ZNF385D: variants seen among roughly 807,000 people sequenced by gnomAD.
The protein encoded by ZNF385D is zinc finger protein 385D, also known as zinc finger protein 659.
A neutral mutation model predicts 35.8 loss-of-function variants in ZNF385D; 15 were observed. The observed-to-expected ratio is 0.42, with a 90% CI of 0.28 to 0.64. ZNF385D has a LOEUF of 0.64. Ranked by LOEUF, ZNF385D falls within the 30% of genes least tolerant of loss-of-function variation. The pLI is 0.23. For missense variants in ZNF385D, 474 were observed against 494.6 expected, an observed-to-expected ratio of 0.96 and a Z score of 0.39; for synonymous variants, 212 against 186.8, an observed-to-expected ratio of 1.13 and a Z score of -1.10.
At chr3:22,337,659 A>C (rs1695234886) in intron 2 of ZNF385D, among the ~76,000 whole-genome samples, 1 of 152,224 alleles carries the variant, frequency 6.6e-6, no homozygotes, top group African/African-American at 2.4e-5. Flanking sequence ...AGAGTTTAGA[A>C]ATGTTTGCCT....
chr3:22,280,465 C>A (rs984841815), intron 2 of ZNF385D, among the ~76,000 whole-genome samples: 1 of 151,750 alleles, frequency 6.6e-6, no homozygotes, highest in African/African-American at 2.4e-5. Context: ...AGAAGAGGAT[C>A]CAGTTTCATT....
chr3:22,059,376 A>G (rs1699576826), intron 3 of ZNF385D, among the ~76,000 whole-genome samples: 1 of 152,198 alleles, frequency 6.6e-6, no homozygotes. Context: ...TGTTGCAGCC[A>G]GCAGCAAGAA....
At chr3:21,692,138 G>A (rs767921640) in intron 1 of ZNF385D, among the ~76,000 whole-genome samples, 5 of 152,136 alleles carry the variant, frequency 3.3e-5, no homozygotes, top group Non-Finnish European at 5.9e-5. Flanking sequence ...TGTCAATGAA[G>A]ATTTGGGTTG....
chr3:21,687,629 G>T (rs2067148819), intron 1 of ZNF385D, among the ~76,000 whole-genome samples: 1 of 151,946 alleles, frequency 6.6e-6, no homozygotes, highest in Non-Finnish European at 1.5e-5. Context: ...GCTCACTCTT[G>T]GTGTTGTACA....
At chr3:21,891,327 A>C (rs1698854148) in intron 3 of ZNF385D, among the ~76,000 whole-genome samples, 2 of 152,176 alleles carry the variant, frequency 1.3e-5, no homozygotes, top group Non-Finnish European at 2.9e-5. Context: ...ACAGGTAAAA[A>C]AAATATAAAA....
intron 3 of ZNF385D, among the ~76,000 whole-genome samples, chr3:22,030,296 T>TCCTATACAAATAACAAATAGG (rs1485385805): frequency 8.0e-5 from 8 of 100,176 alleles, no homozygotes; most frequent in Non-Finnish European, 1.0e-4. Context: ...TATATATATA[T>TCCTATACAAATAACAAATAGG]ATATATCCTA....
chr3:21,849,006 G>A (rs1696199135), intron 3 of ZNF385D, among the ~76,000 whole-genome samples: 1 of 151,980 alleles, frequency 6.6e-6, no homozygotes, highest in African/African-American at 2.4e-5. Flanking sequence ...CTTTCTTAAA[G>A]TTTTATCAAC....
intron 2 of ZNF385D, among the ~76,000 whole-genome samples, chr3:22,249,373 G>C (rs958256688): frequency 6.6e-6 from 1 of 152,054 alleles, no homozygotes; most frequent in Non-Finnish European, 1.5e-5. Context: ...TTTGTTACAC[G>C]GTTCATCAGA....
chr3:22,182,633 T>C (rs1316550522), intron 2 of ZNF385D, among the ~76,000 whole-genome samples: 2 of 152,058 alleles, frequency 1.3e-5, no homozygotes, highest in Admixed American at 1.3e-4. Flanking sequence ...ATTAAAAAGA[T>C]AAACTAGGTA....
At chr3:22,226,538 T>C (rs1338386294) in intron 2 of ZNF385D, among the ~76,000 whole-genome samples, 2 of 152,244 alleles carry the variant, frequency 1.3e-5, no homozygotes, top group African/African-American at 4.8e-5. Context: ...AAAACAGTAA[T>C]CTAGGAAGCA....
chr3:22,230,413 A>C (rs1439568137), intron 2 of ZNF385D, among the ~76,000 whole-genome samples: 1 of 152,116 alleles, frequency 6.6e-6, no homozygotes. Flanking sequence ...ACTGCTTCCC[A>C]TAAAAGGCCT....
At position 21,621,507 on chromosome 3, in the gene ZNF385D, G is replaced by A. The variant is rs765356025; in HGVS notation, c.165+43379C>T. 9.9e-5 allele frequency among the ~76,000 whole-genome samples: 15 copies of A among 151,532 alleles called. 1 individual carries two copies. The highest frequency in any genetic ancestry group is 2.1e-4 in the Non-Finnish European group (14 of 67,928). ...ATTCAGGTTGTTGACAAGGCATTGA[G>A]CAAGAAACTGCCAATTTGCTGTGTC... On this transcript the variant is annotated intron_variant, in intron 2 of 7. Transcript: ENST00000281523.
Position 21,425,598 on chromosome 3 carries a change from A to T in ZNF385D, c.746T>A (p.Val249Glu). ...GTIKAFPRAG[V>E]KGKGPVNKGN... ...TTTATTAACAGGTCCTTTGCCTTTCACTCCTGCCCTAGGAAAGGCTTTGAT... is the reference window on the plus strand; with the variant it reads ...TTTATTAACAGGTCCTTTGCCTTTCTCTCCTGCCCTAGGAAAGGCTTTGAT... The change falls in exon 6 of 8, where the codon GTG (valine) becomes GAG (glutamate). Residue 249 changes from valine (V) to glutamate (E), a missense_variant. Val to Glu is a moderately radical substitution (Grantham distance 121). Coordinates refer to ENST00000281523, the MANE Select transcript of ZNF385D (RefSeq NM_024697.3). The T allele has an allele frequency of 6.2e-7, 1 of 1,605,342 alleles. No homozygotes were observed. The highest frequency in any genetic ancestry group is 8.5e-7 in the Non-Finnish European group (1 of 1,175,636).
At chr3:21,958,002 A>G (rs765195855) in intron 3 of ZNF385D, among the ~76,000 whole-genome samples, 4 of 152,124 alleles carry the variant, frequency 2.6e-5, no homozygotes, top group Non-Finnish European at 4.4e-5. Context: ...TCTCAAGATC[A>G]CCGCCAGTGT....
At chr3:22,182,375 A>G (rs944205714) in intron 2 of ZNF385D, among the ~76,000 whole-genome samples, 2 of 152,152 alleles carry the variant, frequency 1.3e-5, no homozygotes, top group Non-Finnish European at 2.9e-5. Context: ...ATACTTGAGT[A>G]AAAGTTGAAA....
intron 2 of ZNF385D, among the ~76,000 whole-genome samples, chr3:21,575,397 G>C (rs1256849320): frequency 6.6e-6 from 1 of 152,040 alleles, no homozygotes; most frequent in East Asian, 1.9e-4. Context: ...ACTAGGGACA[G>C]GCTTATTTCT....
At chr3:21,852,005 G>A (rs906936399) in intron 3 of ZNF385D, among the ~76,000 whole-genome samples, 2 of 151,860 alleles carry the variant, frequency 1.3e-5, no homozygotes, top group Non-Finnish European at 2.9e-5. Context: ...CTTCTAAAAT[G>A]CTTCATGACA....
At chr3:22,210,222 T>C (rs185667777) in intron 2 of ZNF385D, among the ~76,000 whole-genome samples, 172 of 152,000 alleles carry the variant, frequency 1.1e-3, no homozygotes, top group African/African-American at 3.8e-3. Context: ...AAGATATAGC[T>C]TCAAATGTTA....
chr3:22,019,067 T>TTC (rs1697069433), intron 3 of ZNF385D, among the ~76,000 whole-genome samples: 1 of 125,206 alleles, frequency 8.0e-6, no homozygotes, highest in South Asian at 2.6e-4. Flanking sequence ...TTTTTTTTTT[T>TTC]ATGAAGGAGG....
Sources: gnomAD v4.1 joint callset for allele counts (sites outside exome capture counted in the v4.1 genomes callset) on GRCh38, gnomAD v4.1.1 for gene constraint, MANE v1.5 for transcripts, NCBI Gene and HGNC (gene_info 2026-07-23, HGNC 2026-07-21) for gene names.